The following POU2F1 variants were observed in gnomAD, a reference collection of about 807,000 sequenced individuals.
POU2F1 encodes the protein POU domain, class 2, transcription factor 1.
In POU2F1, 16 loss-of-function variants were observed where a neutral mutation model predicts 84.9. That is an observed-to-expected ratio of 0.19 (90% CI 0.13 to 0.29). POU2F1 has a LOEUF of 0.29. POU2F1 is among the 10% of genes least tolerant of loss of function. POU2F1 has a pLI of 1.00. For missense variants in POU2F1, 738 were observed against 942.6 expected (o/e 0.78, Z 2.84); for synonymous variants, 368 against 368.3 (o/e 1.00, Z 0.01).
At chr1:167,257,393 A>C (rs763564401) in intron 1 of POU2F1, among the ~76,000 whole-genome samples, 1 of 152,138 alleles carries the variant, frequency 6.6e-6, no homozygotes, top group Non-Finnish European at 1.5e-5. Context: ...AAATGATGAG[A>C]GGTGGATGGC....
Position 167,320,456 on chromosome 1 carries a change from G to A in POU2F1, c.62-12014G>A, listed in dbSNP as rs537019269. ...GAAACAGTTTTCGTTTTAGGAAAAT[G>A]GTTATAGAGAATACCTACAAAGTCA... On this transcript the variant is annotated intron_variant, in intron 1 of 15. Coordinates refer to ENST00000367866, the MANE Select transcript of POU2F1 (RefSeq NM_002697.4). Among the ~76,000 whole-genome samples the A allele has an allele frequency of 7.2e-5, 11 of 152,278 alleles. No homozygotes were observed. The South Asian group carries it at 2.1e-3, about 29-fold the overall frequency.
At chr1:167,294,034 T>C (rs1429909146) in intron 1 of POU2F1, among the ~76,000 whole-genome samples, 1 of 151,926 alleles carries the variant, frequency 6.6e-6, no homozygotes, top group Admixed American at 6.6e-5. Context: ...CTTCTGACAT[T>C]GGCCTAGGCA....
At chr1:167,329,791 A>G (rs1656957985) in intron 1 of POU2F1, among the ~76,000 whole-genome samples, 1 of 152,192 alleles carries the variant, frequency 6.6e-6, no homozygotes, top group Admixed American at 6.5e-5. Flanking sequence ...AAAGAGGGTA[A>G]TTGTACTGGT....
intron 1 of POU2F1, among the ~76,000 whole-genome samples, chr1:167,224,341 T>G (rs1164937836): frequency 6.6e-6 from 1 of 152,200 alleles, no homozygotes. Flanking sequence ...AGAATCCATT[T>G]CAGTGAATAA....
chr1:167,401,626 A>G (rs550521564), intron 13 of POU2F1, 70 bp downstream of exon 13: 4 of 962,778 alleles, frequency 4.2e-6, no homozygotes, highest in South Asian at 4.5e-5. Context: ...ATAAGAGTCT[A>G]CCATTAAATT....
At chr1:167,280,458 A>G (rs1264588096) in intron 1 of POU2F1, among the ~76,000 whole-genome samples, 1 of 151,720 alleles carries the variant, frequency 6.6e-6, no homozygotes, top group African/African-American at 2.4e-5. Context: ...TGAACATGTT[A>G]GGCTCTCAAT....
At chr1:167,231,690 A>G (rs1378942780) in intron 1 of POU2F1, among the ~76,000 whole-genome samples, 2 of 152,222 alleles carry the variant, frequency 1.3e-5, no homozygotes, top group African/African-American at 4.8e-5. Context: ...GGGAAATCAT[A>G]TGTTAAATAA....
chr1:167,384,066 G>C (rs1329351572), intron 8 of POU2F1, 115 bp downstream of exon 8: 2 of 849,342 alleles, frequency 2.4e-6, no homozygotes, highest in Non-Finnish European at 3.5e-6. Flanking sequence ...TTCGAAAACT[G>C]ACCAGAAAAT....
intron 2 of POU2F1, among the ~76,000 whole-genome samples, chr1:167,341,558 C>G (rs1571332444): frequency 6.6e-6 from 1 of 152,062 alleles, no homozygotes; most frequent in African/African-American, 2.4e-5. Flanking sequence ...GTTTGGCTGC[C>G]CACACTCAAA....
chr1:167,297,154 G>A (rs761651610), intron 1 of POU2F1, among the ~76,000 whole-genome samples: 4 of 152,126 alleles, frequency 2.6e-5, no homozygotes, highest in Admixed American at 1.3e-4. Flanking sequence ...GCAGAGTTTT[G>A]GCAAAGTATG....
intron 2 of POU2F1, among the ~76,000 whole-genome samples, chr1:167,348,774 T>G (rs1339362235): frequency 1.3e-5 from 2 of 152,206 alleles, no homozygotes; most frequent in African/African-American, 4.8e-5. Context: ...TACCCTGAAC[T>G]ACCTGTATCA....
At chr1:167,415,127 G>A (rs944936741) in intron 15 of POU2F1, among the ~76,000 whole-genome samples, 2 of 152,162 alleles carry the variant, frequency 1.3e-5, no homozygotes, top group African/African-American at 4.8e-5. Context: ...TTGAACAGAG[G>A]TAGTTTAAAA....
chr1:167,415,957 CCA>C lies in POU2F1; in HGVS notation c.*155_*156del. ...GAGAAGGGAGAAAAAAAAAAAAAAACCACACACACCCATACACACATACCAGA... is the reference window on the plus strand; with the variant it reads ...GAGAAGGGAGAAAAAAAAAAAAAAACCACACACCCATACACACATACCAGA... On this transcript the variant is annotated 3_prime_UTR_variant, in exon 16 of 16. Transcript: ENST00000367866. The C allele has an allele frequency of 1.6e-6, 1 of 612,512 alleles. No homozygotes were observed. The highest frequency in any genetic ancestry group is 2.7e-6 in the Non-Finnish European group (1 of 369,500). The allele number at this position is 612,512 out of a possible 1,614,324, so 37.9% of individuals were successfully genotyped here.
intron 1 of POU2F1, among the ~76,000 whole-genome samples, chr1:167,240,801 C>A (rs766303532): frequency 6.6e-6 from 1 of 152,156 alleles, no homozygotes; most frequent in Non-Finnish European, 1.5e-5. Flanking sequence ...CCATTCAGAA[C>A]CCAGCTTCTG....
At chr1:167,367,601 TA>T (rs1403905121) in intron 3 of POU2F1, among the ~76,000 whole-genome samples, 1 of 152,130 alleles carries the variant, frequency 6.6e-6, no homozygotes, top group African/African-American at 2.4e-5. Flanking sequence ...CTTCCTATTT[TA>T]AAAAAACTTT....
At position 167,256,289 on chromosome 1, in the gene POU2F1, T is replaced by A. The variant is rs376434210; in HGVS notation, c.61+35331T>A. 4.6e-5 allele frequency among the ~76,000 whole-genome samples: 7 copies of A among 151,824 alleles called. No homozygotes were observed. In the East Asian group the frequency reaches 9.7e-4, roughly 21 times the overall value. On this transcript the variant is annotated intron_variant, in intron 1 of 15. Coordinates refer to ENST00000367866, the MANE Select transcript of POU2F1 (RefSeq NM_002697.4). The stretch of plus-strand genomic sequence containing the variant: ...GAGGGAAAAGGGAGAAGTATCAGGT[T>A]GTGAAGGCATTGCCTGAGTGTCAGA...
At chr1:167,386,230 T>G (rs1336701723) in intron 8 of POU2F1, among the ~76,000 whole-genome samples, 1 of 152,184 alleles carries the variant, frequency 6.6e-6, no homozygotes, top group Admixed American at 6.5e-5. Context: ...TCTTGCTCTG[T>G]CACCCAGGCT....
rs923186435 is a variant in POU2F1, at chr1:167,374,234, T to A, written c.529T>A (p.Ser177Thr). Residue 177 changes from serine (S) to threonine (T), a missense_variant, in exon 6 of 16, where the codon TCC becomes ACC. By Grantham distance (58) the Ser-to-Thr change is moderately conservative. Around this residue, in one of 4 missense-constraint regions of POU2F1, gnomAD observed 163 missense variants for 214.4 expected, o/e 0.76. Coordinates refer to ENST00000367866, the MANE Select transcript of POU2F1 (RefSeq NM_002697.4). ...GCACAGTGCTGCTGGAGCCACCATC[T>A]CCGCCTCTGCTGCCACGCCCATGAC... The part of the protein sequence containing the change: ...QQHSAAGATI[S>T]ASAATPMTQI... The A allele has an allele frequency of 1.2e-6, 2 of 1,613,772 alleles. No homozygotes were observed. Among genetic ancestry groups the A allele is most frequent in the Non-Finnish European group, 1.7e-6 (2 of 1,179,912 alleles).
At chr1:167,279,389 T>A (rs955740722) in intron 1 of POU2F1, among the ~76,000 whole-genome samples, 2 of 152,214 alleles carry the variant, frequency 1.3e-5, no homozygotes, top group Admixed American at 1.3e-4. Flanking sequence ...TGACAGAACA[T>A]GTAACAGAGT....
Sources: allele counts gnomAD v4.1 joint callset (sites outside exome capture counted in the v4.1 genomes callset), GRCh38; gene constraint gnomAD v4.1.1; regional missense constraint gnomAD v4.1.1; transcripts MANE v1.5; gene names NCBI Gene and HGNC (gene_info 2026-07-23, HGNC 2026-07-21).